Variants in RSPO2 observed in about 807,000 individuals in gnomAD.
RSPO2 encodes the protein R-spondin 2.
RSPO2 carries 14 observed loss-of-function variants against 30.9 expected under a neutral mutation model. That is an observed-to-expected ratio of 0.45 (90% confidence interval 0.30 to 0.71). The LOEUF is 0.71. Ranked by LOEUF, RSPO2 falls within the 30% of genes least tolerant of loss-of-function variation. RSPO2 has a pLI of 0.08. For missense variants in RSPO2, 264 were observed against 301.9 expected, an observed-to-expected ratio of 0.87 and a Z score of 0.93; for synonymous variants, 107 against 96.4, an observed-to-expected ratio of 1.11 and a Z score of -0.64.
At chr8:108,031,751 A>C (rs1008455891) in intron 2 of RSPO2, among the ~76,000 whole-genome samples, 2 of 152,188 alleles carry the variant, frequency 1.3e-5, no homozygotes, top group African/African-American at 2.4e-5. Flanking sequence ...GAGGGAAAAA[A>C]TGACCTTGAA....
intron 3 of RSPO2, among the ~76,000 whole-genome samples, chr8:107,963,977 T>TCA (rs1350672378): frequency 1.3e-5 from 2 of 152,248 alleles, no homozygotes; most frequent in African/African-American, 2.4e-5. Flanking sequence ...ACATGTTCAA[T>TCA]AGTGTTGCTT....
At position 107,960,699 on chromosome 8, in the gene RSPO2, T is replaced by C. The variant is rs1028265821; in HGVS notation, c.402A>G (p.Pro134=). 1 of 1,612,398 alleles carries C rather than the reference T, an allele frequency of 6.2e-7. No homozygotes were observed. Among genetic ancestry groups the C allele is most frequent in the Admixed American group, 1.7e-5 (1 of 59,708 alleles). ...CCACACATTCCATGGTTTCTTCTAA[T>C]GGTGCAAAACCATCTGGACATTCAT... The part of the protein sequence containing the change: ...CFDECPDGFA[P]LEETMECVEG... The change falls in exon 4 of 6, where the codon CCA becomes CCG. Residue 134 remains proline, a synonymous_variant. Transcript: ENST00000276659.
intron 5 of RSPO2, among the ~76,000 whole-genome samples, chr8:107,955,211 C>A (rs1390196636): frequency 6.6e-6 from 1 of 152,128 alleles, no homozygotes; most frequent in Non-Finnish European, 1.5e-5. Flanking sequence ...AACTTGCCTG[C>A]AACTTTTGGC....
intron 3 of RSPO2, among the ~76,000 whole-genome samples, chr8:107,987,295 C>T (rs898572197): frequency 1.3e-5 from 2 of 152,122 alleles, no homozygotes; most frequent in Admixed American, 6.6e-5. Context: ...TTGTTCCTCT[C>T]CAATTCATCT....
At chr8:107,912,970 T>C (rs543123090) in intron 5 of RSPO2, among the ~76,000 whole-genome samples, 2 of 152,336 alleles carry the variant, frequency 1.3e-5, no homozygotes, top group African/African-American at 2.4e-5. Context: ...TTATTCCTTT[T>C]TTATTTTGTA....
intron 5 of RSPO2, among the ~76,000 whole-genome samples, chr8:107,943,058 T>C (rs1201037977): frequency 6.6e-6 from 1 of 152,238 alleles, no homozygotes; most frequent in Non-Finnish European, 1.5e-5. Flanking sequence ...TTCATCAGGC[T>C]GCTTAAGCAG....
At chr8:107,914,483 T>C (rs889830305) in intron 5 of RSPO2, among the ~76,000 whole-genome samples, 8 of 152,076 alleles carry the variant, frequency 5.3e-5, no homozygotes, top group African/African-American at 1.9e-4. Context: ...AAATACCTTT[T>C]AACATTTCTA....
chr8:108,058,357 A>G (rs1472282460), intron 2 of RSPO2, among the ~76,000 whole-genome samples: 8 of 152,120 alleles, frequency 5.3e-5, no homozygotes, highest in African/African-American at 1.9e-4. Context: ...GAGGATACAA[A>G]CAAATGGAAG....
Position 107,900,818 on chromosome 8 carries a change from C to G in RSPO2, c.*257G>C, listed in dbSNP as rs180899611. ...CACACCTCTAGCATGTCCATGGTGC[C>G]GGGGACGGATTCTCTCAGCACACAC... On this transcript the variant is annotated 3_prime_UTR_variant, in exon 6 of 6. Transcript: ENST00000276659. 1 of 355,484 alleles carries G rather than the reference C, an allele frequency of 2.8e-6. No individual in the cohort carries two copies. The highest frequency in any genetic ancestry group is 2.1e-5 in the African/African-American group (1 of 47,870). The allele number at this position is 355,484 out of a possible 1,614,324, so 22.0% of individuals were successfully genotyped here.
intron 2 of RSPO2, among the ~76,000 whole-genome samples, chr8:108,033,208 T>C (rs1286170838): frequency 6.6e-6 from 1 of 152,086 alleles, no homozygotes; most frequent in East Asian, 1.9e-4. Context: ...GTCTAGCATT[T>C]CTTATTGTAT....
chr8:108,073,923 C>A (rs1480971336), intron 2 of RSPO2, among the ~76,000 whole-genome samples: 1 of 152,198 alleles, frequency 6.6e-6, no homozygotes, highest in Non-Finnish European at 1.5e-5. Context: ...CATTTGGCAT[C>A]ATGCTAATTT....
At chr8:108,057,913 A>G (rs770762167) in intron 2 of RSPO2, among the ~76,000 whole-genome samples, 17 of 152,192 alleles carry the variant, frequency 1.1e-4, no homozygotes, top group Non-Finnish European at 2.2e-4. Flanking sequence ...CAATCATGTC[A>G]TCTGCAAACA....
chr8:107,988,764 A>G (rs962939407), intron 3 of RSPO2, among the ~76,000 whole-genome samples: 1 of 152,014 alleles, frequency 6.6e-6, no homozygotes, highest in Admixed American at 6.6e-5. Context: ...AGTAGCTGGG[A>G]TTACAGGTGT....
At chr8:107,982,997 C>T in intron 3 of RSPO2, 2 of 635,708 alleles carry the variant, frequency 3.1e-6, no homozygotes, top group Non-Finnish European at 5.1e-6. Context: ...CTACGACTGG[C>T]TCCTGGGGTG....
intron 2 of RSPO2, among the ~76,000 whole-genome samples, chr8:108,058,296 A>G (rs1286480094): frequency 2.6e-5 from 4 of 152,178 alleles, no homozygotes; most frequent in Non-Finnish European, 5.9e-5. Flanking sequence ...TACAAGGGAC[A>G]TGAAGGACCT....
chr8:107,945,496 C>T (rs1813033409), intron 5 of RSPO2, among the ~76,000 whole-genome samples: 1 of 151,984 alleles, frequency 6.6e-6, no homozygotes, highest in Non-Finnish European at 1.5e-5. Context: ...GATCTGCCTG[C>T]CTCGGCCTCC....
chr8:108,050,661 G>C (rs181759259), intron 2 of RSPO2, among the ~76,000 whole-genome samples: 32 of 152,314 alleles, frequency 2.1e-4, no homozygotes, highest in African/African-American at 7.7e-4. Flanking sequence ...GAAATAAGTT[G>C]CAAGCATGGA....
At chr8:108,073,047 T>C (rs147278668) in intron 2 of RSPO2, 2 of 152,322 alleles carry the variant, frequency 1.3e-5, no homozygotes, top group African/African-American at 4.8e-5. Context: ...ATTAAATCTG[T>C]AGCTTTCACA....
At chr8:107,960,029 C>T (rs1339642623) in intron 4 of RSPO2, among the ~76,000 whole-genome samples, 1 of 152,178 alleles carries the variant, frequency 6.6e-6, no homozygotes, top group East Asian at 1.9e-4. Context: ...AGAGATTCAT[C>T]ATAATGTAGC....
Sources: gnomAD v4.1 joint callset for allele counts (sites outside exome capture counted in the v4.1 genomes callset) on GRCh38, gnomAD v4.1.1 for gene constraint, MANE v1.5 for transcripts, NCBI Gene and HGNC (gene_info 2026-07-23, HGNC 2026-07-21) for gene names.